NTM: variants seen among roughly 807,000 people sequenced by gnomAD.
NTM encodes neurotrimin.
A neutral mutation model predicts 42.1 loss-of-function variants in NTM; 13 were observed. The observed-to-expected ratio is 0.31, with a 90% CI of 0.20 to 0.49. NTM has a LOEUF of 0.49. NTM is among the 20% of genes least tolerant of loss of function. The pLI, the probability that NTM is intolerant of heterozygous loss-of-function variation, is 0.99. For synonymous variants in NTM, 187 were observed against 179.2 expected, an observed-to-expected ratio of 1.04 and a Z score of -0.35; for missense variants, 373 against 452.8, an observed-to-expected ratio of 0.82 and a Z score of 1.60.
Position 131,561,104 on chromosome 11 carries a change from G to A in NTM, c.82+190216G>A, listed in dbSNP as rs74593395. On this transcript the variant is annotated intron_variant, in intron 1 of 8. Transcript: ENST00000683400. ...CAGGTGCAATCTGAAGGGAACAAGC[G>A]CAGTCAGGCTTTTACCGAGGAGAAA... Among the ~76,000 whole-genome samples, 884 of 152,312 alleles carry A rather than the reference G, an allele frequency of 5.8e-3. 12 individuals carry two copies. The highest frequency in any genetic ancestry group is 0.02 in the African/African-American group (813 of 41,552).
intron 1 of NTM, among the ~76,000 whole-genome samples, chr11:131,751,223 C>G (rs748256372): frequency 2.6e-5 from 4 of 152,088 alleles, no homozygotes; most frequent in African/African-American, 4.8e-5. Flanking sequence ...ATCACAAGTT[C>G]AGGAGATTGA....
chr11:132,317,643 C>CAACCGATTTAGAACT, intron 7 of NTM: 2 of 1,301,634 alleles, frequency 1.5e-6, no homozygotes, highest in Non-Finnish European at 2.0e-6. Context: ...GTGTGTCCCT[C>CAACCGATTTAGAACT]AACCGATTTA....
chr11:131,444,290 A>G (rs947978174), intron 1 of NTM, among the ~76,000 whole-genome samples: 3 of 151,956 alleles, frequency 2.0e-5, no homozygotes, highest in Non-Finnish European at 4.4e-5. Flanking sequence ...GAAATGAGAA[A>G]AAGCAGGGGC....
intron 2 of NTM, among the ~76,000 whole-genome samples, chr11:132,051,279 C>T (rs1290012652): frequency 4.6e-5 from 7 of 152,084 alleles, no homozygotes; most frequent in Non-Finnish European, 1.0e-4. Context: ...CTTAGAGTAA[C>T]CCTGTGAAGC....
chr11:131,902,792 T>C (rs945183362), intron 1 of NTM, among the ~76,000 whole-genome samples: 12 of 152,220 alleles, frequency 7.9e-5, no homozygotes, highest in Non-Finnish European at 1.5e-4. Context: ...TCTACCCAAT[T>C]ACACTCTTGC....
chr11:132,012,448 C>T (rs189285824), intron 2 of NTM, among the ~76,000 whole-genome samples: 2 of 152,204 alleles, frequency 1.3e-5, no homozygotes, highest in African/African-American at 4.8e-5. Context: ...TTAGCACAGT[C>T]TGAAATAATG....
intron 1 of NTM, among the ~76,000 whole-genome samples, chr11:131,552,263 A>C (rs1344056897): frequency 1.3e-5 from 2 of 152,216 alleles, no homozygotes. Context: ...CATGGTAAGT[A>C]TCACGCACGG....
At position 131,407,779 on chromosome 11, in the gene NTM, C is replaced by T. The variant is rs574038011; in HGVS notation, c.82+36891C>T. On this transcript the variant is annotated intron_variant, in intron 1 of 8. Transcript: ENST00000683400. ...TGCAGCTGGAACCAGGGCTGGCTCC[C>T]GGGCAGGGAGAGGAGACGCTTCCTG... Among the ~76,000 whole-genome samples the T allele has an allele frequency of 1.8e-4, 28 of 152,294 alleles. No individual in the cohort carries two copies. The South Asian group carries it at 5.8e-3, about 32-fold the overall frequency.
chr11:131,601,288 G>T (rs2060464664), intron 1 of NTM, among the ~76,000 whole-genome samples: 1 of 152,176 alleles, frequency 6.6e-6, no homozygotes, highest in Admixed American at 6.5e-5. Context: ...GGAGCATGAT[G>T]GACCAGAGCA....
intron 1 of NTM, among the ~76,000 whole-genome samples, chr11:131,466,716 A>T (rs886695375): frequency 2.0e-5 from 3 of 152,208 alleles, no homozygotes; most frequent in Non-Finnish European, 4.4e-5. Context: ...TGGGTATATC[A>T]TGGTTCCAAA....
intron 1 of NTM, among the ~76,000 whole-genome samples, chr11:131,778,822 A>T (rs1272055776): frequency 6.6e-6 from 1 of 152,224 alleles, no homozygotes; most frequent in Non-Finnish European, 1.5e-5. Flanking sequence ...TCAAATGTAC[A>T]CACCAGTGTA....
chr11:131,489,192 G>T (rs935175721), intron 1 of NTM, among the ~76,000 whole-genome samples: 1 of 152,050 alleles, frequency 6.6e-6, no homozygotes, highest in Non-Finnish European at 1.5e-5. Flanking sequence ...CCACCTTCTG[G>T]CCTCTTTGCT....
At chr11:131,648,060 C>A (rs1319845148) in intron 1 of NTM, among the ~76,000 whole-genome samples, 1 of 152,110 alleles carries the variant, frequency 6.6e-6, no homozygotes, top group Non-Finnish European at 1.5e-5. Context: ...TCTTTGTGTC[C>A]ATGTGTTCTC....
At chr11:131,393,099 G>A (rs1028306026) in intron 1 of NTM, among the ~76,000 whole-genome samples, 3 of 152,098 alleles carry the variant, frequency 2.0e-5, no homozygotes, top group African/African-American at 4.8e-5. Flanking sequence ...TATTCAGACG[G>A]GCTCTCTCTG....
chr11:131,986,307 A>G (rs2066061079), intron 2 of NTM, among the ~76,000 whole-genome samples: 2 of 152,124 alleles, frequency 1.3e-5, no homozygotes, highest in African/African-American at 4.8e-5. Context: ...GCTGTTCTGG[A>G]TTTTGCATCC....
At chr11:131,421,924 G>A in intron 1 of NTM, among the ~76,000 whole-genome samples, 1 of 152,122 alleles carries the variant, frequency 6.6e-6, no homozygotes, top group Non-Finnish European at 1.5e-5. Flanking sequence ...CATAATTATT[G>A]GGGGATTTAC....
At chr11:131,436,591 C>G (rs2135947509) in intron 1 of NTM, among the ~76,000 whole-genome samples, 1 of 152,294 alleles carries the variant, frequency 6.6e-6, no homozygotes, top group South Asian at 2.1e-4. Context: ...ATAGTATTCT[C>G]TGATGGTAGT....
intron 2 of NTM, among the ~76,000 whole-genome samples, chr11:132,030,693 G>T (rs775824877): frequency 1.4e-4 from 22 of 152,190 alleles, no homozygotes; most frequent in Non-Finnish European, 3.1e-4. Context: ...GCAGGAGTAT[G>T]CTTTGGATCA....
intron 1 of NTM, among the ~76,000 whole-genome samples, chr11:131,530,442 AAGACT>A (rs1424178796): frequency 2.0e-5 from 3 of 150,020 alleles, no homozygotes; most frequent in African/African-American, 7.5e-5. Context: ...AAAAAAAAAA[AAGACT>A]GACCAGTTCT....
Sources: gnomAD v4.1 joint callset for allele counts (sites outside exome capture counted in the v4.1 genomes callset) on GRCh38, gnomAD v4.1.1 for gene constraint, MANE v1.5 for transcripts, NCBI Gene and HGNC (gene_info 2026-07-23, HGNC 2026-07-21) for gene names.